The following PLCH2 variants were observed in gnomAD, a reference collection of about 807,000 sequenced individuals.
The protein encoded by PLCH2 is 1-phosphatidylinositol 4,5-bisphosphate phosphodiesterase eta-2.
In PLCH2, 98 loss-of-function variants were observed where a neutral mutation model predicts 134.7. The observed-to-expected ratio is 0.73, with a 90% CI of 0.62 to 0.86. The LOEUF (loss-of-function observed/expected upper bound fraction) is 0.86. Ranked by LOEUF, PLCH2 falls within the 40% of genes least tolerant of loss-of-function variation. PLCH2 has a pLI of 0.00. For synonymous variants in PLCH2, 974 were observed against 827.5 expected, an observed-to-expected ratio of 1.18 and a Z score of -3.04; for missense variants, 1,994 against 1,986.6, an observed-to-expected ratio of 1.00 and a Z score of -0.07.
chr1:2,451,538 G>A (rs1361675254), intron 2 of PLCH2, among the ~76,000 whole-genome samples: 2 of 152,310 alleles, frequency 1.3e-5, no homozygotes, highest in African/African-American at 2.4e-5. Context: ...AAGGGCCACC[G>A]TGAGGCCAGA....
At chr1:2,475,731 G>T (rs1198540811), upstream of PLCH2, among the ~76,000 whole-genome samples, 1 of 152,248 alleles carries the variant, frequency 6.6e-6, no homozygotes, top group Non-Finnish European at 1.5e-5. Context: ...GAAAGGTCAG[G>T]CTGGGGCTGC....
At chr1:2,484,720 T>A in intron 5 of PLCH2, 102 bp downstream of exon 5, 1 of 1,290,932 alleles carries the variant, frequency 7.7e-7, no homozygotes, top group Non-Finnish European at 1.1e-6. Context: ...GGGGGAGCTG[T>A]CTGAAGCTAT....
rs1643122204 is a variant in PLCH2 at position 2,499,880 on chromosome 1, C to T, written c.2661+160C>T. 1.2e-5 allele frequency: 8 copies of T among 644,822 alleles called. No individual in the cohort carries two copies. The South Asian group carries it at 1.4e-4, about 11-fold the overall frequency. The allele number at this position is 644,822 out of a possible 1,614,324, so 39.9% of individuals were successfully genotyped here. Reference sequence around the variant, plus strand: ...TGCTCCTCTATCTCAAGAGGGGCTGCTGTGGGGGCCTGGCTCCTGAGCCAC... The same window carrying T: ...TGCTCCTCTATCTCAAGAGGGGCTGTTGTGGGGGCCTGGCTCCTGAGCCAC... On this transcript the variant is annotated intron_variant, in intron 20 of 21. Coordinates refer to ENST00000378486, the MANE Select transcript of PLCH2 (RefSeq NM_014638.4).
At chr1:2,430,349 G>C (rs1369732289) in exon 2 of PLCH2, 1 of 152,444 alleles carries the variant, frequency 6.6e-6, no homozygotes, top group Non-Finnish European at 1.5e-5. Flanking sequence ...TGTGTGATGC[G>C]CTGCTGGCCC....
In PLCH2 at chr1:2,504,878, C is replaced by T; in HGVS notation, c.3916C>T (p.Leu1306Phe). The T allele has an allele frequency of 1.0e-5, 16 of 1,592,194 alleles. No individual in the cohort carries two copies. Among genetic ancestry groups the T allele is most frequent in the Non-Finnish European group, 1.4e-5 (16 of 1,168,708 alleles). ...CACCCTGACAGAGCAGCTGCGCTGG[C>T]TCACTGTCTTCCAGCAGGCAGGAGA... Reference protein sequence around the residue: ...RDTLTEQLRWLTVFQQAGDIT... With the variant: ...RDTLTEQLRWFTVFQQAGDIT... The change falls in exon 22 of 22, where the codon CTC (leucine) becomes TTC (phenylalanine). Residue 1306 changes from leucine to phenylalanine, a missense_variant. Physicochemically the swap from Leu to Phe is conservative, Grantham distance 22 (BLOSUM62 0). Transcript: ENST00000378486.
intron 1 of PLCH2, among the ~76,000 whole-genome samples, chr1:2,426,858 C>T (rs923776639): frequency 1.3e-5 from 2 of 152,374 alleles, no homozygotes; most frequent in Middle Eastern, 6.8e-3. Flanking sequence ...TTGGGGGCAG[C>T]GGCTGAGCTT....
At position 2,498,869 on chromosome 1, in the gene PLCH2, T is replaced by A; in HGVS notation, c.2434+41T>A. The A allele has an allele frequency of 6.6e-7, 1 of 1,509,908 alleles. No individual in the cohort carries two copies. The highest frequency in any genetic ancestry group is 9.1e-7 in the Non-Finnish European group (1 of 1,095,622). The allele number at this position is 1,509,908 out of a possible 1,614,324, so 93.5% of individuals were successfully genotyped here. A position where few individuals can be genotyped will look rare whatever the true frequency, so the allele number is the denominator to read the frequency against. ...GGCTCCGTCACACCTGTGATGGAAG[T>A]CTGAGGGGGGAGGGTTGGGGCTACC... On this transcript the variant is annotated intron_variant, in intron 18 of 21. Coordinates refer to ENST00000378486, the MANE Select transcript of PLCH2 (RefSeq NM_014638.4). The surrounding 1 kb of genome is among the most constrained non-coding windows in gnomAD (Gnocchi z 5.4).
chr1:2,484,058 T>C (rs61763948), intron 4 of PLCH2, among the ~76,000 whole-genome samples: 8,394 of 39,526 alleles, frequency 0.21, 1,905 homozygotes, highest in East Asian at 0.5. Flanking sequence ...GTGGGTGGCG[T>C]TGGCTCCCGT....
chr1:2,433,959 T>C (rs1639194126), intron 2 of PLCH2, among the ~76,000 whole-genome samples: 1 of 149,270 alleles, frequency 6.7e-6, no homozygotes, highest in African/African-American at 2.5e-5. Flanking sequence ...GTCTGCCTCA[T>C]GCTCCGAAGG....
chr1:2,468,579 A>G (rs1641181489), intron 1 of PLCH2, among the ~76,000 whole-genome samples: 1 of 152,080 alleles, frequency 6.6e-6, no homozygotes, highest in Admixed American at 6.5e-5. Context: ...GGGGAGAGGA[A>G]AACGTGAAGG....
intron 19 of PLCH2, 46 bp from the exon 20 acceptor site, chr1:2,499,595 C>G: frequency 7.1e-7 from 1 of 1,414,156 alleles, no homozygotes; most frequent in Non-Finnish European, 9.8e-7. Context: ...GGTGGGGGCC[C>G]TGGGAGGCTG....
chr1:2,499,609 C>T (rs754008452), intron 19 of PLCH2, 32 bp from the exon 20 acceptor site: 1 of 1,528,262 alleles, frequency 6.5e-7, no homozygotes, highest in Non-Finnish European at 8.9e-7. Flanking sequence ...GAGGCTGTGA[C>T]CTCATGACCC....
chr1:2,495,600 G>A (rs748059491), intron 13 of PLCH2, 30 bp downstream of exon 13: 35 of 1,487,280 alleles, frequency 2.4e-5, no homozygotes, highest in Middle Eastern at 2.1e-4. Context: ...GGGAGGCCCC[G>A]CACACTCCTG....
At chr1:2,453,524 C>T (rs778014803) in intron 2 of PLCH2, among the ~76,000 whole-genome samples, 4 of 152,174 alleles carry the variant, frequency 2.6e-5, no homozygotes, top group Non-Finnish European at 5.9e-5. Flanking sequence ...ACGGGGCTCA[C>T]AGGACCTCCT....
chr1:2,436,434 C>CT (rs1281623122), intron 2 of PLCH2, among the ~76,000 whole-genome samples: 4 of 45,646 alleles, frequency 8.8e-5, no homozygotes, highest in African/African-American at 5.3e-4. Context: ...TCCTTTCTCC[C>CT]TCCTCCCTTC....
chr1:2,484,914 C>A (rs1192130857), intron 5 of PLCH2, among the ~76,000 whole-genome samples: 8 of 152,128 alleles, frequency 5.3e-5, no homozygotes, highest in Admixed American at 5.2e-4. Flanking sequence ...CTCCAGGGGC[C>A]CCTGAATGGC....
chr1:2,489,776 C>T lies in PLCH2; in HGVS notation c.1424C>T (p.Ala475Val). 1 of 1,613,524 alleles carries T rather than the reference C, an allele frequency of 6.2e-7. No homozygotes were observed. Among genetic ancestry groups the T allele is most frequent in the South Asian group, 1.1e-5 (1 of 91,078 alleles). The change falls in exon 10 of 22, where the codon GCC (alanine) becomes GTC (valine). Residue 475 changes from alanine (A) to valine (V), a missense_variant. Transcript: ENST00000378486. ...CTCCCCCAGGGGAAGAAGCTCCCAG[C>T]CAACATCAGCGAGGATGCGGAGGAA... Reference protein sequence around the residue: ...KILVKGKKLPANISEDAEEGE... With the variant: ...KILVKGKKLPVNISEDAEEGE...
intron 2 of PLCH2, among the ~76,000 whole-genome samples, chr1:2,447,911 C>A (rs554518621): frequency 6.6e-6 from 1 of 152,292 alleles, no homozygotes; most frequent in South Asian, 2.1e-4. Flanking sequence ...TCCCTGGCTG[C>A]GGGACTTTGG....
chr1:2,476,752 C>T (rs1255726199), intron 1 of PLCH2, 40 bp downstream of exon 1: 3 of 1,546,964 alleles, frequency 1.9e-6, no homozygotes, highest in African/African-American at 1.4e-5. Context: ...TGAGTGCTGG[C>T]CCTGGCCAGG....
Sources: gnomAD v4.1 joint callset for allele counts (sites outside exome capture counted in the v4.1 genomes callset) on GRCh38, gnomAD v4.1.1 for gene constraint, Gnocchi (gnomAD v3.1) non-coding constraint, MANE v1.5 for transcripts, NCBI Gene and HGNC (gene_info 2026-07-23, HGNC 2026-07-21) for gene names.